IGSF11: variants seen among roughly 807,000 people sequenced by gnomAD.
The protein encoded by IGSF11 is immunoglobulin superfamily member 11, also known as CXADR like 1.
Under a neutral mutation model 41.0 loss-of-function variants are expected in IGSF11, and 22 were observed. The observed-to-expected ratio is 0.54, with a 90% CI of 0.38 to 0.77. IGSF11 has a LOEUF of 0.77. Among genes scored for constraint, IGSF11 ranks in the 30% least tolerant of loss-of-function variants. The pLI is 0.00. For missense variants in IGSF11, 444 were observed against 530.8 expected (o/e 0.84, Z 1.61); for synonymous variants, 219 against 201.3 (o/e 1.09, Z -0.74).
At chr3:119,071,713 A>G (rs752099874) in intron 1 of IGSF11, among the ~76,000 whole-genome samples, 6 of 152,112 alleles carry the variant, frequency 3.9e-5, no homozygotes, top group Non-Finnish European at 7.4e-5. Context: ...CCAGAGATAC[A>G]TTGTCTTGAT....
chr3:119,141,042 T>TAAAAAAAAAAA (rs35323898), intron 1 of IGSF11, among the ~76,000 whole-genome samples: 9 of 99,742 alleles, frequency 9.0e-5, no homozygotes, highest in Admixed American at 1.2e-4. Context: ...TCTGTCTCAT[T>TAAAAAAAAAAA]AAAAAAAAAA....
Position 118,902,812 on chromosome 3 carries a change from A to G in IGSF11, c.1004T>C (p.Val335Ala), listed in dbSNP as rs753309777. 2 of 1,614,176 alleles carry G rather than the reference A, an allele frequency of 1.2e-6. No individual in the cohort carries two copies. Among genetic ancestry groups the G allele is most frequent in the Admixed American group, 3.3e-5 (2 of 60,028 alleles). The part of the protein sequence containing the change: ...NPKVHRNTES[V>A]SHFSDLGQSF... ...TTGGCCCAAGTCACTGAAGTGGCTG[A>G]CTGACTCTGTGTTTCTATGAACTTT... is the stretch of plus-strand genomic sequence containing the variant. Residue 335 changes from valine to alanine, a missense_variant, in exon 7 of 7, where the codon GTC (valine) becomes GCC (alanine). Val to Ala is a moderately conservative substitution (Grantham distance 64). Transcript: ENST00000393775.
At chr3:118,999,896 G>A (rs1052202253) in intron 1 of IGSF11, among the ~76,000 whole-genome samples, 3 of 152,046 alleles carry the variant, frequency 2.0e-5, no homozygotes, top group South Asian at 4.2e-4. Flanking sequence ...ACCAGCAACC[G>A]ACACCCAGAG....
Position 119,043,159 on chromosome 3 carries a change from G to T in IGSF11, c.49+61985C>A, listed in dbSNP as rs1326989107. ...AGGAACAATGGCAAGCCTTTAGCCTGATTGTGCAGTTGCAAGATTTAATAG... is the reference window on the plus strand; with the variant it reads ...AGGAACAATGGCAAGCCTTTAGCCTTATTGTGCAGTTGCAAGATTTAATAG... On this transcript the variant is annotated intron_variant, in intron 1 of 6. Transcript: ENST00000354673. Among the ~76,000 whole-genome samples, 3 of 152,212 alleles carry T rather than the reference G, an allele frequency of 2.0e-5. No individual in the cohort carries two copies. In the East Asian group the frequency reaches 5.8e-4, roughly 29 times the overall value.
In IGSF11 at chr3:119,073,776, G is replaced by T. The variant is rs115148765; in HGVS notation, c.49+31368C>A. Among the ~76,000 whole-genome samples, 710 of 152,202 alleles carry T rather than the reference G, an allele frequency of 4.7e-3. 13 individuals carry two copies. The highest frequency in any genetic ancestry group is 0.016 in the African/African-American group (680 of 41,536). ...GCACACAGCCCCGGTTTCCACCCAC[G>T]CCTCTCCCTCCACACCTCCCACAAG... On this transcript the variant is annotated intron_variant, in intron 1 of 6. Coordinates refer to the IGSF11 transcript ENST00000354673.
intron 1 of IGSF11, among the ~76,000 whole-genome samples, chr3:118,971,578 G>T (rs1237232809): frequency 2.0e-5 from 3 of 152,114 alleles, no homozygotes; most frequent in African/African-American, 7.2e-5. Context: ...GCCGAGGTGG[G>T]TGCATCACGA....
chr3:119,112,045 T>TCA (rs2077172936), intron 1 of IGSF11, among the ~76,000 whole-genome samples: 1 of 152,112 alleles, frequency 6.6e-6, no homozygotes, highest in Non-Finnish European at 1.5e-5. Context: ...GTCAGGGGTC[T>TCA]GGGACCCACT....
intron 1 of IGSF11, among the ~76,000 whole-genome samples, chr3:119,063,082 G>C (rs1169980655): frequency 6.6e-6 from 1 of 152,096 alleles, no homozygotes; most frequent in Non-Finnish European, 1.5e-5. Flanking sequence ...CTCTGTCCAG[G>C]GTACTGGTGA....
chr3:119,116,646 G>A (rs750580581), intron 1 of IGSF11, among the ~76,000 whole-genome samples: 4 of 152,152 alleles, frequency 2.6e-5, no homozygotes, highest in South Asian at 2.1e-4. Flanking sequence ...CTTTTGTAAA[G>A]CTAATAGGAA....
intron 1 of IGSF11, among the ~76,000 whole-genome samples, chr3:118,939,947 A>G (rs1943562007): frequency 6.6e-6 from 1 of 152,212 alleles, no homozygotes. Flanking sequence ...AAATTTATAA[A>G]TCTCTAACCA....
At chr3:118,959,115 T>C (rs115287220) in intron 1 of IGSF11, among the ~76,000 whole-genome samples, 3,266 of 152,278 alleles carry the variant, frequency 0.021, 109 homozygotes, top group African/African-American at 0.073. Flanking sequence ...AGCTGCACTT[T>C]AGAGGTGCCA....
At chr3:118,991,972 T>C (rs1393150279) in intron 1 of IGSF11, among the ~76,000 whole-genome samples, 1 of 152,246 alleles carries the variant, frequency 6.6e-6, no homozygotes, top group Non-Finnish European at 1.5e-5. Flanking sequence ...AAGTGATGAA[T>C]AAGCTTCATT....
intron 1 of IGSF11, among the ~76,000 whole-genome samples, chr3:119,070,757 G>T (rs540029568): frequency 6.6e-6 from 1 of 152,244 alleles, no homozygotes; most frequent in African/African-American, 2.4e-5. Flanking sequence ...ACAATGATCA[G>T]GATGCTGTGC....
intron 1 of IGSF11, among the ~76,000 whole-genome samples, chr3:119,102,196 G>C (rs1024689402): frequency 6.6e-6 from 1 of 152,100 alleles, no homozygotes; most frequent in African/African-American, 2.4e-5. Flanking sequence ...TTTATCTGTG[G>C]TTGTTGAGGT....
At chr3:119,117,071 A>G (rs1444924341) in intron 1 of IGSF11, among the ~76,000 whole-genome samples, 1 of 152,154 alleles carries the variant, frequency 6.6e-6, no homozygotes, top group African/African-American at 2.4e-5. Context: ...CTCGCACATA[A>G]CATGTCCAGC....
At chr3:118,924,671 G>C (rs1942131267) in intron 4 of IGSF11, among the ~76,000 whole-genome samples, 1 of 152,008 alleles carries the variant, frequency 6.6e-6, no homozygotes, top group East Asian at 1.9e-4. Flanking sequence ...CAGAAATAAA[G>C]AGGTTATGGA....
chr3:118,925,989 T>C, intron 4 of IGSF11, 112 bp downstream of exon 4: 1 of 712,936 alleles, frequency 1.4e-6, no homozygotes, highest in Admixed American at 3.2e-5. Flanking sequence ...CAGAAAGCTT[T>C]TTCAGCAGTT....
intron 1 of IGSF11, among the ~76,000 whole-genome samples, chr3:119,053,879 T>A (rs1325456500): frequency 2.0e-5 from 3 of 152,158 alleles, no homozygotes; most frequent in Admixed American, 2.0e-4. Context: ...TACAGCCTAC[T>A]GATCTTCATC....
intron 1 of IGSF11, among the ~76,000 whole-genome samples, chr3:118,990,930 T>C (rs1279114735): frequency 6.6e-6 from 1 of 152,154 alleles, no homozygotes; most frequent in African/African-American, 2.4e-5. Flanking sequence ...TTTCCTGAAA[T>C]GTTCCCAAGG....
Sources: allele counts gnomAD v4.1 joint callset (sites outside exome capture counted in the v4.1 genomes callset), GRCh38; gene constraint gnomAD v4.1.1; transcripts MANE v1.5; gene names NCBI Gene and HGNC (gene_info 2026-07-23, HGNC 2026-07-21).